C1D: variants seen among roughly 807,000 people sequenced by gnomAD.
C1D encodes C1D nuclear receptor corepressor, also known as nuclear nucleic acid-binding protein C1D.
C1D carries 10 observed loss-of-function variants against 17.5 expected under a neutral mutation model. The ratio of observed to expected loss-of-function variants is 0.57; its 90% CI spans 0.35 to 0.97. The LOEUF (loss-of-function observed/expected upper bound fraction) is 0.97. Among genes scored for constraint, C1D ranks in the 50% least tolerant of loss-of-function variants. The probability of loss-of-function intolerance (pLI) is 0.01; values close to 1 mark genes in which losing one functional copy is unlikely to be tolerated. For missense variants in C1D, 136 were observed against 160.1 expected (o/e 0.85, Z 0.81); for synonymous variants, 49 against 54.0 (o/e 0.91, Z 0.40).
chr2:68,060,067 T>A (rs1201976907), intron 1 of C1D, among the ~76,000 whole-genome samples: 6 of 152,220 alleles, frequency 3.9e-5, no homozygotes, highest in African/African-American at 2.4e-5. Flanking sequence ...TTTCTACTTC[T>A]CAGTTAATGG....
chr2:68,054,121 G>A (rs1671364759), intron 1 of C1D, among the ~76,000 whole-genome samples: 1 of 152,152 alleles, frequency 6.6e-6, no homozygotes, highest in Non-Finnish European at 1.5e-5. Context: ...ATTTGCCCAA[G>A]ACAGTTCCAC....
At chr2:68,052,784 AT>A (rs375830654) in intron 1 of C1D, among the ~76,000 whole-genome samples, 62 of 152,310 alleles carry the variant, frequency 4.1e-4, no homozygotes, top group African/African-American at 1.4e-3. Flanking sequence ...CTAACACTTT[AT>A]TATAGGCAGC....
At chr2:68,059,021 T>C (rs192003578) in intron 1 of C1D, among the ~76,000 whole-genome samples, 2 of 152,316 alleles carry the variant, frequency 1.3e-5, no homozygotes, top group Admixed American at 1.3e-4. Flanking sequence ...TATGCAGGAA[T>C]ACCTGAGGCT....
chr2:68,057,951 G>C (rs1671485891), intron 1 of C1D, among the ~76,000 whole-genome samples: 1 of 152,202 alleles, frequency 6.6e-6, no homozygotes, highest in African/African-American at 2.4e-5. Flanking sequence ...AGATGCTTTT[G>C]CAAGTTCTCA....
At chr2:68,049,888 T>C (rs1363042418) in intron 1 of C1D, among the ~76,000 whole-genome samples, 1 of 152,146 alleles carries the variant, frequency 6.6e-6, no homozygotes, top group Non-Finnish European at 1.5e-5. Context: ...ATAAGCAAAG[T>C]TAAAAGGCAA....
chr2:68,046,513 A>G (rs1671126152), intron 2 of C1D, 103 bp from the exon 3 acceptor site: 1 of 740,342 alleles, frequency 1.4e-6, no homozygotes, highest in Admixed American at 2.9e-5. Flanking sequence ...ACCAAGTACA[A>G]TGTATCAAAG....
chr2:68,052,104 GA>G (rs1671300924), intron 1 of C1D, among the ~76,000 whole-genome samples: 1 of 151,828 alleles, frequency 6.6e-6, no homozygotes, highest in African/African-American at 2.4e-5. Context: ...TAAAAATAAA[GA>G]AGTAAATCTA....
chr2:68,043,109 T>G, intron 4 of C1D, 56 bp from the exon 5 acceptor site: 1 of 1,319,454 alleles, frequency 7.6e-7, no homozygotes, highest in Non-Finnish European at 1.1e-6. Flanking sequence ...CACCACTGAA[T>G]TTTATTATAC....
chr2:68,052,049 A>G (rs151010151), intron 1 of C1D, among the ~76,000 whole-genome samples: 1 of 152,260 alleles, frequency 6.6e-6, no homozygotes, highest in East Asian at 1.9e-4. Context: ...GGAAACAGTT[A>G]AATGAATTAC....
chr2:68,059,834 A>G (rs1246235561), intron 1 of C1D, among the ~76,000 whole-genome samples: 1 of 152,052 alleles, frequency 6.6e-6, no homozygotes, highest in Non-Finnish European at 1.5e-5. Context: ...TTCTGTCTAC[A>G]TTTACTCCTT....
intron 1 of C1D, among the ~76,000 whole-genome samples, chr2:68,053,902 G>A (rs779101590): frequency 1.3e-5 from 2 of 152,120 alleles, no homozygotes; most frequent in African/African-American, 4.8e-5. Flanking sequence ...GTTCCAGTTC[G>A]GCCAGTGAAG....
chr2:68,046,138 C>A, intron 3 of C1D, 95 bp from the exon 4 acceptor site: 1 of 948,264 alleles, frequency 1.1e-6, no homozygotes, highest in Non-Finnish European at 1.6e-6. Flanking sequence ...AAGGAAAGTC[C>A]TACAAACAAT....
At chr2:68,048,364 G>A (rs1671193897) in intron 1 of C1D, among the ~76,000 whole-genome samples, 1 of 152,132 alleles carries the variant, frequency 6.6e-6, no homozygotes, top group African/African-American at 2.4e-5. Context: ...AAATAGCATT[G>A]CAGAATGGAA....
At chr2:68,049,749 C>T (rs569710075) in intron 1 of C1D, among the ~76,000 whole-genome samples, 21 of 152,124 alleles carry the variant, frequency 1.4e-4, no homozygotes, top group South Asian at 2.1e-4. Flanking sequence ...AAAATGTAAA[C>T]GTATAAACAT....
chr2:68,058,991 G>C (rs370512366), intron 1 of C1D, among the ~76,000 whole-genome samples: 5 of 152,302 alleles, frequency 3.3e-5, no homozygotes, highest in African/African-American at 1.2e-4. Flanking sequence ...GAATACCCGT[G>C]TTCCTCCGTT....
chr2:68,051,294 G>A (rs2103804177), intron 1 of C1D, among the ~76,000 whole-genome samples: 1 of 152,266 alleles, frequency 6.6e-6, no homozygotes, highest in African/African-American at 2.4e-5. Context: ...CAAGGCAGGA[G>A]GACAGCTTGA....
chr2:68,057,754 C>T (rs1671480947), intron 1 of C1D, among the ~76,000 whole-genome samples: 1 of 151,920 alleles, frequency 6.6e-6, no homozygotes, highest in South Asian at 2.1e-4. Context: ...ATGTCATTTC[C>T]CCCTACTTAG....
intron 1 of C1D, among the ~76,000 whole-genome samples, chr2:68,061,854 A>G (rs981224947): frequency 2.0e-5 from 3 of 152,260 alleles, no homozygotes; most frequent in African/African-American, 7.2e-5. Context: ...TGTGATACAT[A>G]CAACACAGCT....
chr2:68,055,338 C>T (rs183345288), intron 1 of C1D, among the ~76,000 whole-genome samples: 37 of 152,268 alleles, frequency 2.4e-4, no homozygotes, highest in Admixed American at 2.4e-3. Context: ...GCCTACAGAG[C>T]TAACTTCCAT....
Sources: gnomAD v4.1 joint callset for allele counts (sites outside exome capture counted in the v4.1 genomes callset) on GRCh38, gnomAD v4.1.1 for gene constraint, MANE v1.5 for transcripts, NCBI Gene and HGNC (gene_info 2026-07-23, HGNC 2026-07-21) for gene names.